NIM1K: variants seen among roughly 807,000 people sequenced by gnomAD.
NIM1K encodes serine/threonine-protein kinase NIM1.
NIM1K carries 35 observed loss-of-function variants against 37.1 expected under a neutral mutation model. The observed-to-expected ratio is 0.94, with a 90% confidence interval of 0.72 to 1.25. NIM1K has a LOEUF of 1.25. Ranked by LOEUF, NIM1K falls within the 50% of genes most tolerant of loss-of-function variation. The pLI is 0.00. For synonymous variants in NIM1K, 234 were observed against 206.6 expected, an observed-to-expected ratio of 1.13 and a Z score of -1.14; for missense variants, 564 against 548.0, an observed-to-expected ratio of 1.03 and a Z score of -0.29.
Position 43,245,825 on chromosome 5 carries a change from C to T in NIM1K, c.50C>T (p.Ala17Val), listed in dbSNP as rs774410167. 1 of 1,613,132 alleles carries T rather than the reference C, an allele frequency of 6.2e-7. No homozygotes were observed. Among genetic ancestry groups the T allele is most frequent in the South Asian group, 1.1e-5 (1 of 90,966 alleles). The change falls in exon 2 of 4, where the codon GCC (alanine) becomes GTC (valine). Residue 17 changes from alanine (A) to valine (V), a missense_variant. Ala to Val is a moderately conservative substitution (Grantham distance 64). Coordinates refer to ENST00000326035, the MANE Select transcript of NIM1K (RefSeq NM_153361.4). ...GGTGGCCTGGTGAACCCCCACTATG[C>T]CCGGTGGGATCGGCGCGACAGTGTA... ...NGGGLVNPHY[A>V]RWDRRDSVES...
chr5:43,280,631 G>A lies in NIM1K; in HGVS notation c.1213G>A (p.Val405Ile). The change falls in exon 4 of 4, where the codon GTC becomes ATC. Residue 405 changes from valine to isoleucine, a missense_variant. Coordinates refer to ENST00000326035, the MANE Select transcript of NIM1K (RefSeq NM_153361.4). ...QRKKALESVP[V>I]MMLPDPKERD... ...GAAGAAGGCTTTGGAAAGTGTCCCAGTCATGATGCTACCAGACCCTAAAGA... is the reference window on the plus strand; with the variant it reads ...GAAGAAGGCTTTGGAAAGTGTCCCAATCATGATGCTACCAGACCCTAAAGA... 2 of 1,614,104 alleles carry A rather than the reference G, an allele frequency of 1.2e-6. No individual in the cohort carries two copies. Among genetic ancestry groups the A allele is most frequent in the South Asian group, 2.2e-5 (2 of 91,084 alleles).
intron 3 of NIM1K, 34 bp downstream of exon 3, chr5:43,277,359 C>A (rs1352928656): frequency 1.3e-6 from 2 of 1,596,740 alleles, no homozygotes; most frequent in South Asian, 1.1e-5. Flanking sequence ...ACCTTGCTCC[C>A]ATTGCACTGA....
At chr5:43,215,722 C>T (rs1752290138) in intron 1 of NIM1K, among the ~76,000 whole-genome samples, 1 of 152,216 alleles carries the variant, frequency 6.6e-6, no homozygotes, top group African/African-American at 2.4e-5. Flanking sequence ...GCATGAGCCA[C>T]CATGCCTGGT....
chr5:43,236,860 C>T (rs1333628968), intron 1 of NIM1K, among the ~76,000 whole-genome samples: 3 of 152,204 alleles, frequency 2.0e-5, no homozygotes, highest in Non-Finnish European at 4.4e-5. Flanking sequence ...AGCAGAACTG[C>T]TGTCCTAGAA....
chr5:43,224,101 C>T (rs1241987918), intron 1 of NIM1K, among the ~76,000 whole-genome samples: 2 of 149,460 alleles, frequency 1.3e-5, no homozygotes, highest in African/African-American at 4.9e-5. Flanking sequence ...CGGGGTCTTG[C>T]TATATTGCCC....
chr5:43,232,740 T>A (rs1752560355), intron 1 of NIM1K: 1 of 1,215,918 alleles, frequency 8.2e-7, no homozygotes, highest in African/African-American at 1.5e-5. Flanking sequence ...CAGAACCAAT[T>A]CCTTCACCAA....
chr5:43,222,751 G>GAAAAAA (rs1561078012), intron 1 of NIM1K, among the ~76,000 whole-genome samples: 1 of 151,694 alleles, frequency 6.6e-6, no homozygotes, highest in Admixed American at 6.6e-5. Context: ...AAAGAAAAAA[G>GAAAAAA]AAAAAAGAAA....
At chr5:43,261,146 A>G (rs1331687955) in intron 2 of NIM1K, among the ~76,000 whole-genome samples, 1 of 152,212 alleles carries the variant, frequency 6.6e-6, no homozygotes, top group Non-Finnish European at 1.5e-5. Context: ...TGGCTGGGTC[A>G]AATGGTATTT....
intron 3 of NIM1K, 146 bp downstream of exon 3, chr5:43,277,471 C>A: frequency 2.4e-6 from 2 of 837,372 alleles, no homozygotes; most frequent in Non-Finnish European, 3.7e-6. Context: ...AGAAGTCTGG[C>A]TGGGATCATG....
rs549271837 is a variant in NIM1K at position 43,227,229 on chromosome 5, G to A, written c.-694-17853G>A. On this transcript the variant is annotated intron_variant, in intron 1 of 3. Transcript: ENST00000326035. ...TACAAAATTAGCCCGGCATGGTGGC[G>A]CATGCTGGTAATCCCAGCTACTCGG... Among the ~76,000 whole-genome samples the A allele has an allele frequency of 5.9e-5, 9 of 152,172 alleles. No homozygotes were observed. In the South Asian group the frequency reaches 6.2e-4, roughly 11 times the overall value.
At chr5:43,197,180 G>C (rs1420292589) in intron 1 of NIM1K, among the ~76,000 whole-genome samples, 1 of 152,012 alleles carries the variant, frequency 6.6e-6, no homozygotes, top group Non-Finnish European at 1.5e-5. Context: ...CTAGACTACA[G>C]TGCAGTGGTA....
chr5:43,224,830 C>T (rs374094360), intron 1 of NIM1K, among the ~76,000 whole-genome samples: 9 of 151,732 alleles, frequency 5.9e-5, no homozygotes, highest in East Asian at 3.9e-4. Flanking sequence ...CAAGTAGCTG[C>T]GATTACAGGC....
rs1243368828 is a variant in NIM1K, at chr5:43,202,564, T to C, written c.-695+10153T>C. On this transcript the variant is annotated intron_variant, in intron 1 of 3. Coordinates refer to ENST00000326035, the MANE Select transcript of NIM1K (RefSeq NM_153361.4). Reference sequence around the variant, plus strand: ...CTAAAAGTCCCCTAGTGTGCTTGGGTAATCAAGGGAAACTGAATCAGCCAG... The same window carrying C: ...CTAAAAGTCCCCTAGTGTGCTTGGGCAATCAAGGGAAACTGAATCAGCCAG... Among the ~76,000 whole-genome samples the C allele has an allele frequency of 2.6e-5, 4 of 152,278 alleles. No homozygotes were observed. In the East Asian group the frequency reaches 7.7e-4, roughly 29 times the overall value.
chr5:43,264,246 T>C (rs908989647), intron 2 of NIM1K, among the ~76,000 whole-genome samples: 1 of 152,082 alleles, frequency 6.6e-6, no homozygotes, highest in Non-Finnish European at 1.5e-5. Flanking sequence ...TTATTATTGT[T>C]TGGGAGTCTA....
At chr5:43,248,636 C>A (rs1175118480) in intron 2 of NIM1K, among the ~76,000 whole-genome samples, 2 of 152,010 alleles carry the variant, frequency 1.3e-5, no homozygotes, top group Non-Finnish European at 2.9e-5. Context: ...GAGAGAGACA[C>A]TTACAAGGAA....
Position 43,279,965 on chromosome 5 carries a change from T to C in NIM1K, c.562-15T>C. 2.5e-6 allele frequency: 4 copies of C among 1,593,118 alleles called. No homozygotes were observed. The highest frequency in any genetic ancestry group is 1.3e-5 in the African/African-American group (1 of 74,340). ...TTACTGTAAAAATGACTTTTCTCTA[T>C]GTCTTCTTCCACAGCATGAAAACCA... On this transcript the variant is annotated splice_polypyrimidine_tract_variant and intron_variant, in intron 3 of 3. Transcript: ENST00000326035.
chr5:43,232,778 G>A (rs1487714000), intron 1 of NIM1K: 22 of 1,094,318 alleles, frequency 2.0e-5, no homozygotes, highest in African/African-American at 7.8e-5. Context: ...AAGCCTTGGC[G>A]ATCCATGCAC....
At chr5:43,270,232 G>A (rs1043408331) in intron 2 of NIM1K, among the ~76,000 whole-genome samples, 1 of 152,186 alleles carries the variant, frequency 6.6e-6, no homozygotes, top group African/African-American at 2.4e-5. Context: ...TTTTATCAAT[G>A]ACATAAATGT....
At chr5:43,216,419 A>T (rs1333441814) in intron 1 of NIM1K, among the ~76,000 whole-genome samples, 6 of 152,236 alleles carry the variant, frequency 3.9e-5, no homozygotes, top group Admixed American at 6.5e-5. Flanking sequence ...CAGGATGTGC[A>T]TTTAAATATT....
Sources: gnomAD v4.1 joint callset for allele counts (sites outside exome capture counted in the v4.1 genomes callset) on GRCh38, gnomAD v4.1.1 for gene constraint, MANE v1.5 for transcripts, NCBI Gene and HGNC (gene_info 2026-07-23, HGNC 2026-07-21) for gene names.